The following SAMD9 variants were observed in gnomAD, a reference collection of about 807,000 sequenced individuals.
SAMD9 encodes sterile alpha motif domain-containing protein 9.
Under a neutral mutation model 1.5 loss-of-function variants are expected in SAMD9, and 3 were observed. That is an observed-to-expected ratio of 2.05 (90% CI 0.93 to 5.29). The LOEUF is 5.29. Among genes scored for constraint, SAMD9 ranks in the 30% most tolerant of loss-of-function variants. The probability of loss-of-function intolerance (pLI) is 0.02; values close to 1 mark genes in which losing one functional copy is unlikely to be tolerated. For synonymous variants in SAMD9, 635 were observed against 631.9 expected, an observed-to-expected ratio of 1.00 and a Z score of -0.07; for missense variants, 1,597 against 1,820.8, an observed-to-expected ratio of 0.88 and a Z score of 2.24.
rs754337797 is a variant in SAMD9, at chr7:93,105,961, A to G, written c.137T>C (p.Leu46Ser). ...LTEQDVNGAV[L>S]KWLKKEHLVD... Reference sequence around the variant, plus strand: ...AAGATGTTCTTTTTTTAACCACTTCAAGACTGCTCCATTCACGTCTTGTTC... The same window carrying G: ...AAGATGTTCTTTTTTTAACCACTTCGAGACTGCTCCATTCACGTCTTGTTC... The change falls in exon 3 of 3, where the codon TTG (leucine) becomes TCG (serine). Residue 46 changes from leucine to serine, a missense_variant. By Grantham distance (145) the Leu-to-Ser change is moderately radical (BLOSUM62 -2). This residue lies in a region of SAMD9 where 498 missense variants were observed against 457.4 expected (regional missense o/e 1.09). Transcript: ENST00000379958. The G allele has an allele frequency of 6.2e-7, 1 of 1,608,528 alleles. No individual in the cohort carries two copies. The highest frequency in any genetic ancestry group is 2.2e-5 in the East Asian group (1 of 44,834).
intron 2 of SAMD9, among the ~76,000 whole-genome samples, chr7:93,112,643 T>A (rs1791765086): frequency 6.6e-6 from 1 of 152,164 alleles, no homozygotes. Flanking sequence ...ATCACAAGCA[T>A]TCCTATACAA....
In SAMD9 at chr7:93,100,833, C is replaced by G. The variant is rs974621188; in HGVS notation, c.*495G>C. 1 of 166,052 alleles carries G rather than the reference C, an allele frequency of 6.0e-6. No homozygotes were observed. The highest frequency in any genetic ancestry group is 1.3e-5 in the Non-Finnish European group (1 of 76,028). The allele number at this position is 166,052 out of a possible 1,614,324, so 10.3% of individuals were successfully genotyped here. On this transcript the variant is annotated 3_prime_UTR_variant, in exon 3 of 3. Transcript: ENST00000379958. ...GACCTTCAGAAGACTGGTTGGTCCT[C>G]TGTTTTGGAAGATCCTTGAGTGCCA... is the stretch of plus-strand genomic sequence containing the variant.
In SAMD9 at chr7:93,101,089, A is replaced by G. The variant is rs1347078909; in HGVS notation, c.*239T>C. ...ATAGCTCCTTATTATTTTGTCATCAATGATGTTAACCAAACCAAGGAACAT... is the reference window on the plus strand; with the variant it reads ...ATAGCTCCTTATTATTTTGTCATCAGTGATGTTAACCAAACCAAGGAACAT... On this transcript the variant is annotated 3_prime_UTR_variant, in exon 3 of 3. Transcript: ENST00000379958. 10 of 529,288 alleles carry G rather than the reference A, an allele frequency of 1.9e-5. No homozygotes were observed. Among genetic ancestry groups the G allele is most frequent in the Non-Finnish European group, 3.0e-5 (9 of 296,074 alleles). The allele number at this position is 529,288 out of a possible 1,614,324, so 32.8% of individuals were successfully genotyped here. A position where few individuals can be genotyped will look rare whatever the true frequency, so the allele number is the denominator to read the frequency against.
In SAMD9 at chr7:93,105,966, T is replaced by C. The variant is rs1396018350; in HGVS notation, c.132A>G (p.Ala44=). The C allele has an allele frequency of 6.2e-7, 1 of 1,606,230 alleles. No individual in the cohort carries two copies. The highest frequency in any genetic ancestry group is 1.3e-5 in the African/African-American group (1 of 74,572). ...GTTCTTTTTTTAACCACTTCAAGAC[T>C]GCTCCATTCACGTCTTGTTCAGTCA... is the stretch of plus-strand genomic sequence containing the variant. ...EILTEQDVNG[A]VLKWLKKEHL... is the part of the protein sequence containing the mutation. Residue 44 remains alanine, a synonymous_variant, in exon 3 of 3, where the codon GCA becomes GCG. Transcript: ENST00000379958.
rs767683953 is a variant in SAMD9, at chr7:93,102,693, T to C, written c.3405A>G (p.Ile1135Met). 3 of 1,613,942 alleles carry C rather than the reference T, an allele frequency of 1.9e-6. No homozygotes were observed. The South Asian group carries it at 3.3e-5, about 18-fold the overall frequency. ...QVYKSKIRWWIEENGGNGNIS... is the reference protein window; with the variant it reads ...QVYKSKIRWWMEENGGNGNIS... ...TGTTCCCGTTTCCTCCGTTTTCCTC[T>C]ATCCACCATCTTATTTTACTTTTGT... Residue 1135 changes from isoleucine to methionine, a missense_variant, in exon 3 of 3, where the codon ATA (isoleucine) becomes ATG (methionine). Physicochemically the swap from Ile to Met is conservative, Grantham distance 10 (BLOSUM62 1). Coordinates refer to ENST00000379958, the MANE Select transcript of SAMD9 (RefSeq NM_017654.4).
intron 2 of SAMD9, among the ~76,000 whole-genome samples, chr7:93,114,523 A>G (rs1222782944): frequency 1.3e-5 from 2 of 152,216 alleles, no homozygotes; most frequent in East Asian, 1.9e-4. Context: ...GAATAACAGA[A>G]TAAAACTGAA....
At chr7:93,114,549 A>G (rs1222622419) in intron 2 of SAMD9, among the ~76,000 whole-genome samples, 1 of 152,232 alleles carries the variant, frequency 6.6e-6, no homozygotes, top group Non-Finnish European at 1.5e-5. Flanking sequence ...AAGAATGAGA[A>G]AAATAAAGAT....
chr7:93,106,743 T>C (rs1214173620), intron 2 of SAMD9, among the ~76,000 whole-genome samples: 2 of 152,196 alleles, frequency 1.3e-5, no homozygotes, highest in Non-Finnish European at 2.9e-5. Flanking sequence ...GTAAAATCCA[T>C]AGTAGCTTAT....
In SAMD9 at chr7:93,108,649, T is replaced by C. The variant is rs190465016; in HGVS notation, c.-8-2544A>G. 1.3e-3 allele frequency among the ~76,000 whole-genome samples: 191 copies of C among 152,216 alleles called. 1 individual carries two copies. Among genetic ancestry groups the C allele is most frequent in the Middle Eastern group, 0.01 (3 of 294 alleles). ...TCTTAGCAAACAGCACACCAGAAGA[T>C]TATATTCTGCGCCTGGCTCAGAGGG... On this transcript the variant is annotated intron_variant, in intron 2 of 2. Transcript: ENST00000379958.
In SAMD9 at chr7:93,112,028, C is replaced by A. The variant is rs550639375; in HGVS notation, c.-9+2767G>T. On this transcript the variant is annotated intron_variant, in intron 2 of 2. Transcript: ENST00000379958. The stretch of plus-strand genomic sequence containing the variant: ...CAAAAAAGAATTTTAGACCAATATC[C>A]CTGATGAACATCGATGCAAAAATCC... Among the ~76,000 whole-genome samples the A allele has an allele frequency of 3.3e-5, 5 of 152,274 alleles. No individual in the cohort carries two copies. In the East Asian group the frequency reaches 9.6e-4, roughly 29 times the overall value.
In SAMD9 at chr7:93,104,014, T is replaced by C; in HGVS notation, c.2084A>G (p.Tyr695Cys). 1.2e-6 allele frequency: 2 copies of C among 1,613,958 alleles called. No individual in the cohort carries two copies. The highest frequency in any genetic ancestry group is 2.2e-5 in the East Asian group (1 of 44,874). Residue 695 changes from tyrosine (Y) to cysteine (C), a missense_variant, in exon 3 of 3, where the codon TAC (tyrosine) becomes TGC (cysteine). Tyr to Cys is a radical substitution (Grantham distance 194). This residue lies in a region of SAMD9 where 358 missense variants were observed against 460.4 expected (regional missense o/e 0.78). Coordinates refer to ENST00000379958, the MANE Select transcript of SAMD9 (RefSeq NM_017654.4). ...TGAAGAATAACTTTCAGAAGAGAAGTAGAAGTTCCACCATGACACTTTGCC... is the reference window on the plus strand; with the variant it reads ...TGAAGAATAACTTTCAGAAGAGAAGCAGAAGTTCCACCATGACACTTTGCC... ...RGGKVSWWNF[Y>C]FSSESYSSPF...
intron 2 of SAMD9, among the ~76,000 whole-genome samples, chr7:93,109,380 A>G (rs1289491028): frequency 6.6e-6 from 1 of 152,198 alleles, no homozygotes; most frequent in South Asian, 2.1e-4. Flanking sequence ...AAAATTCTGA[A>G]AATCAGAGCA....
rs760704192 is a variant in SAMD9 at position 93,104,907 on chromosome 7, TAATTTAACC to T, written c.1182_1190del (p.Val395_Leu397del). ...CTAACAAATCTTGATTTCCTGTCAA[TAATTTAACC>T]AACTTTGGTCCCTCTCTTTCTTTTT... On this transcript the variant is annotated inframe_deletion, in exon 3 of 3. Transcript: ENST00000379958. The T allele has an allele frequency of 6.2e-7, 1 of 1,612,906 alleles. No homozygotes were observed. The highest frequency in any genetic ancestry group is 1.1e-5 in the South Asian group (1 of 90,802).
At chr7:93,115,148 C>T (rs886711956) in intron 1 of SAMD9, among the ~76,000 whole-genome samples, 2 of 152,046 alleles carry the variant, frequency 1.3e-5, no homozygotes, top group South Asian at 2.1e-4. Context: ...AAATGTTTAC[C>T]GTAATGGAAA....
rs759114422 is a variant in SAMD9, at chr7:93,103,217, C to G, written c.2881G>C (p.Gly961Arg). The change falls in exon 3 of 3, where the codon GGC becomes CGC. Residue 961 changes from glycine (G) to arginine (R), a missense_variant. Gly to Arg is a moderately radical substitution (Grantham distance 125, BLOSUM62 -2). Transcript: ENST00000379958. Reference sequence around the variant, plus strand: ...TTTATCAGAATTGTAGAGTAGGTGCCCATCTTGTCTTCAAATTTTTCTGTC... The same window carrying G: ...TTTATCAGAATTGTAGAGTAGGTGCGCATCTTGTCTTCAAATTTTTCTGTC... ...WGTEKFEDKM[G>R]TYSTILIKTE... 1 of 1,613,724 alleles carries G rather than the reference C, an allele frequency of 6.2e-7. No homozygotes were observed. Among genetic ancestry groups the G allele is most frequent in the Middle Eastern group, 1.6e-4 (1 of 6,062 alleles).
At position 93,102,980 on chromosome 7, in the gene SAMD9, G is replaced by C. The variant is rs201576502; in HGVS notation, c.3118C>G (p.Arg1040Gly). 21 of 1,613,756 alleles carry C rather than the reference G, an allele frequency of 1.3e-5. No homozygotes were observed. The African/African-American group carries it at 2.1e-4, about 16-fold the overall frequency. ...DMHTLLLTRH[R>G]DEHEGETGNW... The stretch of plus-strand genomic sequence containing the variant: ...CCTGTTTCACCTTCATGTTCATCGC[G>C]GTGTCTTGTGAGTAGGAGTGTGTGC... Residue 1040 changes from arginine (R) to glycine (G), a missense_variant, in exon 3 of 3, where the codon CGC becomes GGC. Around this residue, in one of 6 missense-constraint regions of SAMD9, gnomAD observed 682 missense variants for 810.0 expected, o/e 0.84. Transcript: ENST00000379958.
rs752992500 is a variant in SAMD9, at chr7:93,101,297, A to G, written c.*31T>C. On this transcript the variant is annotated 3_prime_UTR_variant, in exon 3 of 3. Coordinates refer to ENST00000379958, the MANE Select transcript of SAMD9 (RefSeq NM_017654.4). ...CCAAAAAAATTAAATGGGTACTGAG[A>G]TCAAATTCTTGGAGGAAGAATATCA... 8.2e-6 allele frequency: 13 copies of G among 1,581,516 alleles called. No homozygotes were observed. The South Asian group carries it at 1.4e-4, about 17-fold the overall frequency.
intron 1 of SAMD9, among the ~76,000 whole-genome samples, chr7:93,115,776 A>G (rs1791823056): frequency 6.6e-6 from 1 of 152,194 alleles, no homozygotes; most frequent in Non-Finnish European, 1.5e-5. Flanking sequence ...ATCAAGGATA[A>G]TTGTGAATTC....
At position 93,105,601 on chromosome 7, in the gene SAMD9, A is replaced by G. The variant is rs761313894; in HGVS notation, c.497T>C (p.Phe166Ser). 1.2e-6 allele frequency: 2 copies of G among 1,614,104 alleles called. No homozygotes were observed. Residue 166 changes from phenylalanine to serine, a missense_variant, in exon 3 of 3, where the codon TTT (phenylalanine) becomes TCT (serine). Transcript: ENST00000379958. Reference sequence around the variant, plus strand: ...ACGATATGGATTACTGAATTCATCAAATGGATATGATACACATGTCAGGTC... The same window carrying G: ...ACGATATGGATTACTGAATTCATCAGATGGATATGATACACATGTCAGGTC... ...SIDLTCVSYP[F>S]DEFSNPYRYK... is the part of the protein sequence containing the mutation.
Sources: gnomAD v4.1 joint callset for allele counts (sites outside exome capture counted in the v4.1 genomes callset) on GRCh38, gnomAD v4.1.1 for gene constraint, gnomAD v4.1.1 regional missense constraint, MANE v1.5 for transcripts, NCBI Gene and HGNC (gene_info 2026-07-23, HGNC 2026-07-21) for gene names.